Variants in RYR2 observed in about 807,000 individuals in gnomAD.
RYR2 encodes ryanodine receptor 2, also known as cardiac muscle ryanodine receptor-calcium release channel.
A neutral mutation model predicts 601.1 loss-of-function variants in RYR2; 227 were observed. The observed-to-expected ratio is 0.38, with a 90% CI of 0.34 to 0.42. The LOEUF is 0.42. Among genes scored for constraint, RYR2 ranks in the 10% least tolerant of loss-of-function variants. The pLI is 1.00. For missense variants in RYR2, 4,646 were observed against 6,156.5 expected (o/e 0.75, Z 8.21); for synonymous variants, 2,223 against 2,175.1 (o/e 1.02, Z -0.61).
At position 237,567,068 on chromosome 1, in the gene RYR2, C is replaced by T. The variant is rs75979007; in HGVS notation, c.3423+293C>T. Among the ~76,000 whole-genome samples the T allele has an allele frequency of 8.2e-3, 1,253 of 152,040 alleles. 16 individuals carry two copies. The highest frequency in any genetic ancestry group is 0.028 in the African/African-American group (1,168 of 41,438). ...TAGAGGAAAAATGCATATACATTGA[C>T]GCAGCGATTCCGTATCAGGAGTTTA... On this transcript the variant is annotated intron_variant, in intron 28 of 104. Coordinates refer to ENST00000366574, the MANE Select transcript of RYR2 (RefSeq NM_001035.3).
At chr1:237,348,381 A>G (rs1208227882) in intron 3 of RYR2, among the ~76,000 whole-genome samples, 1 of 152,188 alleles carries the variant, frequency 6.6e-6, no homozygotes, top group Non-Finnish European at 1.5e-5. Context: ...ATGAAACAAT[A>G]CTAATAATGT....
intron 1 of RYR2, among the ~76,000 whole-genome samples, chr1:237,050,323 A>G (rs1661096834): frequency 6.6e-6 from 1 of 152,206 alleles, no homozygotes; most frequent in African/African-American, 2.4e-5. Context: ...ATAGGAACTC[A>G]GAGGCTGGCA....
chr1:237,092,344 T>C lies in RYR2; in HGVS notation c.48+49775T>C, dbSNP rs16834805. Among the ~76,000 whole-genome samples the C allele has an allele frequency of 4.4e-3, 677 of 152,244 alleles. 7 individuals carry two copies. The highest frequency in any genetic ancestry group is 0.016 in the African/African-American group (647 of 41,524). On this transcript the variant is annotated intron_variant, in intron 1 of 104. Coordinates refer to ENST00000366574, the MANE Select transcript of RYR2 (RefSeq NM_001035.3). ...TATGAGTCCCTCAAATTAAAGAGTGTTTGTTTCCTTGAAGGAGACCCTCTG... is the reference window on the plus strand; with the variant it reads ...TATGAGTCCCTCAAATTAAAGAGTGCTTGTTTCCTTGAAGGAGACCCTCTG...
At chr1:237,365,806 A>G (rs947789888) in intron 5 of RYR2, among the ~76,000 whole-genome samples, 1 of 152,228 alleles carries the variant, frequency 6.6e-6, no homozygotes. Flanking sequence ...CGCCTGAAAC[A>G]GACATCTGAA....
intron 3 of RYR2, among the ~76,000 whole-genome samples, chr1:237,340,106 T>A (rs1697632468): frequency 1.3e-5 from 2 of 152,218 alleles, no homozygotes; most frequent in Non-Finnish European, 2.9e-5. Flanking sequence ...ATAGTTAGCA[T>A]CTGTATGCTT....
intron 3 of RYR2, among the ~76,000 whole-genome samples, chr1:237,353,307 G>A (rs1021236339): frequency 9.9e-5 from 15 of 151,958 alleles, no homozygotes; most frequent in African/African-American, 2.9e-4. Context: ...TCAGGAGTTC[G>A]AGATCAGCCT....
At chr1:237,373,948 T>A (rs1405013107) in intron 6 of RYR2, among the ~76,000 whole-genome samples, 1 of 152,244 alleles carries the variant, frequency 6.6e-6, no homozygotes, top group African/African-American at 2.4e-5. Flanking sequence ...CTTTTGCAGA[T>A]GATCATGAAT....
chr1:237,722,429 ATTT>A (rs1395646946), intron 73 of RYR2, among the ~76,000 whole-genome samples: 1 of 150,486 alleles, frequency 6.6e-6, no homozygotes, highest in African/African-American at 2.4e-5. Flanking sequence ...CTTTCTTAGT[ATTT>A]TTAATTTTTT....
chr1:237,686,118 G>A (rs949022654), intron 62 of RYR2, among the ~76,000 whole-genome samples: 1 of 152,136 alleles, frequency 6.6e-6, no homozygotes, highest in Non-Finnish European at 1.5e-5. Flanking sequence ...CCCTAGTCCT[G>A]GGGAGCTGCA....
At chr1:237,042,709 G>T in intron 1 of RYR2, 140 bp downstream of exon 1, 2 of 805,158 alleles carry the variant, frequency 2.5e-6, no homozygotes, top group East Asian at 3.4e-5. Flanking sequence ...CGGGAGGAGC[G>T]GGCATCACCA....
At chr1:237,420,223 A>G (rs920598743) in intron 11 of RYR2, among the ~76,000 whole-genome samples, 1 of 152,204 alleles carries the variant, frequency 6.6e-6, no homozygotes, top group South Asian at 2.1e-4. Context: ...AGGCAAAATT[A>G]TAGGGATATT....
At chr1:237,472,044 T>A (rs757658439) in intron 17 of RYR2, among the ~76,000 whole-genome samples, 33 of 152,342 alleles carry the variant, frequency 2.2e-4, no homozygotes, top group Non-Finnish European at 4.0e-4. Context: ...TTTTTAAGTA[T>A]CTAAAATATA....
chr1:237,474,201 A>ATGTGTGTGTG lies in RYR2; in HGVS notation c.1708+5024_1708+5033dup, dbSNP rs372140254. ...TAAATATGTATGTACGTGTGTATAT[A>ATGTGTGTGTG]TGTGTGTGTGTGTGTGTGTAGATCT... On this transcript the variant is annotated intron_variant, in intron 17 of 104. Transcript: ENST00000366574. Among the ~76,000 whole-genome samples the ATGTGTGTGTG allele has an allele frequency of 5.6e-4, 79 of 141,266 alleles. No individual in the cohort carries two copies. In the South Asian group the frequency reaches 5.6e-3, roughly 10 times the overall value. The allele number at this position is 141,266 out of a possible 152,430, so 92.7% of individuals were successfully genotyped here. A position where few individuals can be genotyped will look rare whatever the true frequency, so the allele number is the denominator to read the frequency against.
chr1:237,042,441 C>A lies in RYR2; in HGVS notation c.-81C>A. 8.3e-7 allele frequency: 1 copy of A among 1,201,076 alleles called. No homozygotes were observed. Among genetic ancestry groups the A allele is most frequent in the Non-Finnish European group, 1.0e-6 (1 of 953,772 alleles). 74.4% of individuals were successfully genotyped at this position (1,201,076 alleles called of 1,614,324 possible). Reference sequence around the variant, plus strand: ...AGCCCCCGGCTCCCGGCAGCAGAAGCAGAAGGCAGCGCCAGGGGCCGCCGC... The same window carrying A: ...AGCCCCCGGCTCCCGGCAGCAGAAGAAGAAGGCAGCGCCAGGGGCCGCCGC... On this transcript the variant is annotated 5_prime_UTR_variant, in exon 1 of 105. Transcript: ENST00000366574.
At chr1:237,303,504 T>C (rs1693576970) in intron 2 of RYR2, among the ~76,000 whole-genome samples, 1 of 152,070 alleles carries the variant, frequency 6.6e-6, no homozygotes, top group Admixed American at 6.5e-5. Flanking sequence ...TTCACCATGT[T>C]GGCCAGGCTG....
chr1:237,746,592 C>T (rs1343380987), intron 80 of RYR2, among the ~76,000 whole-genome samples: 3 of 151,988 alleles, frequency 2.0e-5, no homozygotes, highest in African/African-American at 7.2e-5. Context: ...CCTGATTTAA[C>T]CTGATTACAA....
chr1:237,536,846 A>C (rs1469708590), intron 25 of RYR2, among the ~76,000 whole-genome samples: 2 of 151,638 alleles, frequency 1.3e-5, no homozygotes, highest in African/African-American at 2.4e-5. Flanking sequence ...AGATCGCGCC[A>C]CTGCACTCCA....
intron 11 of RYR2, among the ~76,000 whole-genome samples, chr1:237,420,259 G>A (rs1385336527): frequency 6.6e-6 from 1 of 152,136 alleles, no homozygotes; most frequent in Non-Finnish European, 1.5e-5. Context: ...GTTAGTTCCT[G>A]TAATAGGAAT....
intron 24 of RYR2, among the ~76,000 whole-genome samples, chr1:237,514,156 C>T (rs953114608): frequency 1.3e-5 from 2 of 152,176 alleles, no homozygotes; most frequent in African/African-American, 4.8e-5. Flanking sequence ...ATTATTTCTT[C>T]ATCTTTTACA....
Sources: allele counts gnomAD v4.1 joint callset (sites outside exome capture counted in the v4.1 genomes callset), GRCh38; gene constraint gnomAD v4.1.1; transcripts MANE v1.5; gene names NCBI Gene and HGNC (gene_info 2026-07-23, HGNC 2026-07-21).